PTPRR: variants seen among roughly 807,000 people sequenced by gnomAD.
PTPRR encodes receptor-type tyrosine-protein phosphatase R.
A neutral mutation model predicts 77.2 loss-of-function variants in PTPRR; 38 were observed. The observed-to-expected ratio is 0.49, with a 90% confidence interval of 0.38 to 0.65. PTPRR has a LOEUF of 0.65. PTPRR is among the 30% of genes least tolerant of loss of function. The pLI, the probability that PTPRR is intolerant of heterozygous loss-of-function variation, is 0.00. For synonymous variants in PTPRR, 299 were observed against 283.1 expected (o/e 1.06, Z -0.57); for missense variants, 744 against 799.2 (o/e 0.93, Z 0.83).
intron 2 of PTPRR, among the ~76,000 whole-genome samples, chr12:70,857,395 T>C (rs1592796099): frequency 6.6e-6 from 1 of 152,132 alleles, no homozygotes; most frequent in Admixed American, 6.6e-5. Flanking sequence ...TACTGTTTCA[T>C]TGGAGTGATG....
At chr12:70,705,426 AC>A (rs1290919448) in intron 6 of PTPRR, among the ~76,000 whole-genome samples, 1 of 152,066 alleles carries the variant, frequency 6.6e-6, no homozygotes, top group Non-Finnish European at 1.5e-5. Context: ...CAGACATGCT[AC>A]TTTTTTTGCA....
intron 2 of PTPRR, among the ~76,000 whole-genome samples, chr12:70,815,791 C>T (rs1184628456): frequency 6.6e-6 from 1 of 152,144 alleles, no homozygotes; most frequent in Non-Finnish European, 1.5e-5. Context: ...CACATTTGAG[C>T]TCTTATTTCT....
At chr12:70,682,442 C>G (rs1264773212) in intron 10 of PTPRR, among the ~76,000 whole-genome samples, 1 of 152,166 alleles carries the variant, frequency 6.6e-6, no homozygotes, top group Non-Finnish European at 1.5e-5. Flanking sequence ...GGCTTTGTCT[C>G]CAGTTCTTGT....
intron 10 of PTPRR, chr12:70,671,915 C>T: frequency 1.1e-6 from 1 of 893,458 alleles, no homozygotes; most frequent in Non-Finnish European, 1.8e-6. Flanking sequence ...CCGCCAGGCT[C>T]TGATGCTGGT....
chr12:70,767,890 T>G (rs1201042653), intron 2 of PTPRR, among the ~76,000 whole-genome samples: 2 of 152,074 alleles, frequency 1.3e-5, no homozygotes, highest in African/African-American at 4.8e-5. Context: ...ACATGGAAAA[T>G]GAACAACCTG....
At chr12:70,664,050 T>C (rs972577360) in intron 10 of PTPRR, among the ~76,000 whole-genome samples, 5 of 152,182 alleles carry the variant, frequency 3.3e-5, no homozygotes, top group Admixed American at 2.0e-4. Flanking sequence ...GCGAAGGAAG[T>C]CACTTCACCT....
At chr12:70,705,183 A>G (rs1271710668) in intron 6 of PTPRR, among the ~76,000 whole-genome samples, 1 of 152,152 alleles carries the variant, frequency 6.6e-6, no homozygotes, top group South Asian at 2.1e-4. Flanking sequence ...AAGAGAATAT[A>G]AACAACTTTG....
chr12:70,871,949 G>A (rs1892965000), intron 2 of PTPRR, among the ~76,000 whole-genome samples: 1 of 152,166 alleles, frequency 6.6e-6, no homozygotes, highest in Admixed American at 6.5e-5. Flanking sequence ...GAAGAGTTTG[G>A]AGAAGTAACA....
At chr12:70,846,209 G>A (rs1328476799) in intron 2 of PTPRR, among the ~76,000 whole-genome samples, 4 of 152,082 alleles carry the variant, frequency 2.6e-5, no homozygotes, top group Admixed American at 6.6e-5. Flanking sequence ...CAAAGAAAAC[G>A]CTTCCTTTCC....
chr12:70,791,959 A>G (rs1193081541), intron 2 of PTPRR, among the ~76,000 whole-genome samples: 5 of 152,162 alleles, frequency 3.3e-5, no homozygotes, highest in African/African-American at 1.2e-4. Context: ...TCTCAGAGGA[A>G]AAAAAACACA....
intron 13 of PTPRR, among the ~76,000 whole-genome samples, chr12:70,654,363 A>G (rs906414996): frequency 4.6e-5 from 7 of 152,138 alleles, no homozygotes; most frequent in African/African-American, 1.7e-4. Context: ...GGATTGTTTG[A>G]GTCCAGGAGT....
intron 2 of PTPRR, among the ~76,000 whole-genome samples, chr12:70,877,905 T>C (rs548656390): frequency 6.6e-6 from 1 of 152,084 alleles, no homozygotes; most frequent in Non-Finnish European, 1.5e-5. Context: ...AACAGAGATA[T>C]AGATCAATGG....
intron 2 of PTPRR, among the ~76,000 whole-genome samples, chr12:70,873,088 C>T (rs1892989878): frequency 6.6e-6 from 1 of 152,176 alleles, no homozygotes; most frequent in Non-Finnish European, 1.5e-5. Context: ...TGATGAGCTT[C>T]CTGTCTCAAA....
rs1349584428 is a variant in PTPRR, at chr12:70,639,180, T to C, written c.*4A>G. On this transcript the variant is annotated 3_prime_UTR_variant, in exon 14 of 14. Transcript: ENST00000283228. ...GATTGATGGTCTGACAAGTCTTCAA[T>C]GACTCACTGGACAGTCTCTGCTGAA... 6.2e-7 allele frequency: 1 copy of C among 1,611,698 alleles called. No homozygotes were observed. The highest frequency in any genetic ancestry group is 1.7e-5 in the Admixed American group (1 of 59,996).
intron 7 of PTPRR, among the ~76,000 whole-genome samples, chr12:70,698,680 A>C (rs754602882): frequency 6.6e-6 from 1 of 152,208 alleles, no homozygotes; most frequent in Non-Finnish European, 1.5e-5. Flanking sequence ...AATTTTTTTA[A>C]AAAACAATGT....
chr12:70,706,300 C>T (rs942631360), intron 6 of PTPRR, among the ~76,000 whole-genome samples: 2 of 151,928 alleles, frequency 1.3e-5, no homozygotes, highest in African/African-American at 2.4e-5. Context: ...GAAATAAACA[C>T]GGACCACTAG....
At chr12:70,906,475 A>G (rs1379826406) in intron 1 of PTPRR, among the ~76,000 whole-genome samples, 1 of 152,066 alleles carries the variant, frequency 6.6e-6, no homozygotes, top group African/African-American at 2.4e-5. Flanking sequence ...CTATCATTCT[A>G]TTGGTAATAG....
intron 10 of PTPRR, among the ~76,000 whole-genome samples, chr12:70,663,017 A>G (rs1199898280): frequency 6.6e-6 from 1 of 152,180 alleles, no homozygotes; most frequent in Non-Finnish European, 1.5e-5. Flanking sequence ...TTTTCCCACA[A>G]TAATTGAGGA....
chr12:70,842,169 A>G (rs1041421422), intron 2 of PTPRR, among the ~76,000 whole-genome samples: 2 of 152,202 alleles, frequency 1.3e-5, no homozygotes, highest in African/African-American at 4.8e-5. Context: ...TTTTTAGATT[A>G]CTATATTTTA....
Sources: allele counts gnomAD v4.1 joint callset (sites outside exome capture counted in the v4.1 genomes callset), GRCh38; gene constraint gnomAD v4.1.1; transcripts MANE v1.5; gene names NCBI Gene and HGNC (gene_info 2026-07-23, HGNC 2026-07-21).